SGCZ: variants seen among roughly 807,000 people sequenced by gnomAD.
SGCZ encodes the protein sarcoglycan zeta.
SGCZ carries 40 observed loss-of-function variants against 41.3 expected under a neutral mutation model. That is an observed-to-expected ratio of 0.97 (90% CI 0.75 to 1.26). The LOEUF is 1.26. Among genes scored for constraint, SGCZ ranks in the 50% most tolerant of loss-of-function variants. The probability of loss-of-function intolerance (pLI) is 0.00; values close to 1 mark genes in which losing one functional copy is unlikely to be tolerated. For synonymous variants in SGCZ, 206 were observed against 137.5 expected, an observed-to-expected ratio of 1.50 and a Z score of -3.49; for missense variants, 552 against 369.8, an observed-to-expected ratio of 1.49 and a Z score of -4.04.
chr8:14,303,683 T>A (rs540421119), intron 3 of SGCZ, among the ~76,000 whole-genome samples: 11 of 152,250 alleles, frequency 7.2e-5, no homozygotes, highest in African/African-American at 2.4e-4. Flanking sequence ...TGGTTTTTAG[T>A]GAAAATATTA....
At position 14,309,193 on chromosome 8, in the gene SGCZ, C is replaced by A. The variant is rs550695132; in HGVS notation, c.336+14910G>T. ...AAAAAAGCAAAACTTGGCAAGCAAACCTGCTGCGGCTGATCTCTAAGTTTG... is the reference window on the plus strand; with the variant it reads ...AAAAAAGCAAAACTTGGCAAGCAAAACTGCTGCGGCTGATCTCTAAGTTTG... On this transcript the variant is annotated intron_variant, in intron 3 of 7. Transcript: ENST00000382080. 940 of 1,484,412 alleles carry A rather than the reference C, an allele frequency of 6.3e-4. 6 individuals carry two copies. The South Asian group carries it at 7.4e-3, about 12-fold the overall frequency. The allele number at this position is 1,484,412 out of a possible 1,614,324, so 92.0% of individuals were successfully genotyped here.
chr8:14,223,774 G>C (rs1806282742), intron 4 of SGCZ, among the ~76,000 whole-genome samples: 1 of 152,010 alleles, frequency 6.6e-6, no homozygotes, highest in Admixed American at 6.6e-5. Context: ...ATATTACTTT[G>C]GATAATCATT....
intron 3 of SGCZ, among the ~76,000 whole-genome samples, chr8:14,258,689 T>C (rs751045428): frequency 2.0e-5 from 3 of 152,192 alleles, no homozygotes; most frequent in Non-Finnish European, 2.9e-5. Context: ...ATTAATGTAA[T>C]GGTCTTGTGA....
chr8:14,644,006 C>T (rs1450970761), intron 1 of SGCZ, among the ~76,000 whole-genome samples: 1 of 143,434 alleles, frequency 7.0e-6, no homozygotes. Flanking sequence ...ATATTTTGTA[C>T]CTGGTAGTAT....
chr8:14,142,372 G>A (rs916346694), intron 5 of SGCZ, among the ~76,000 whole-genome samples: 17 of 151,792 alleles, frequency 1.1e-4, no homozygotes, highest in African/African-American at 4.1e-4. Context: ...TTTTTTCTAA[G>A]AACAAAATTC....
At chr8:14,459,748 G>T (rs1903598) in intron 2 of SGCZ, among the ~76,000 whole-genome samples, 1,870 of 152,074 alleles carry the variant, frequency 0.012, 78 homozygotes, top group East Asian at 0.064. Flanking sequence ...ACTGAAAAGG[G>T]AACACTACTA....
chr8:14,089,671 T>G lies in SGCZ; in HGVS notation c.*772A>C, dbSNP rs1269482011. On this transcript the variant is annotated 3_prime_UTR_variant, in exon 8 of 8. Coordinates refer to ENST00000382080, the MANE Select transcript of SGCZ (RefSeq NM_139167.4). The stretch of plus-strand genomic sequence containing the variant: ...GAGTAGATGTTTTGTTAAAAGCAAA[T>G]ACGTCACATGCAGTAGCCATGTAAA... 6.6e-6 allele frequency among the ~76,000 whole-genome samples: 1 copy of G among 152,010 alleles called. No homozygotes were observed. The highest frequency in any genetic ancestry group is 1.5e-5 in the Non-Finnish European group (1 of 67,984).
chr8:14,834,939 C>T (rs554668719), intron 1 of SGCZ, among the ~76,000 whole-genome samples: 3 of 152,144 alleles, frequency 2.0e-5, no homozygotes, highest in Admixed American at 6.6e-5. Flanking sequence ...TTCAGAACTA[C>T]GATAATGCAA....
intron 1 of SGCZ, among the ~76,000 whole-genome samples, chr8:14,997,104 G>C (rs1030852837): frequency 1.3e-5 from 2 of 152,018 alleles, no homozygotes; most frequent in East Asian, 1.9e-4. Context: ...TGATATTTCT[G>C]GCTAAGCATT....
At chr8:14,873,301 A>C (rs1027299883) in intron 1 of SGCZ, among the ~76,000 whole-genome samples, 4 of 152,156 alleles carry the variant, frequency 2.6e-5, no homozygotes, top group African/African-American at 9.6e-5. Context: ...TATTCATTGC[A>C]TGTGTTGGTA....
At chr8:14,642,882 C>G (rs1010163135) in intron 1 of SGCZ, among the ~76,000 whole-genome samples, 3 of 151,454 alleles carry the variant, frequency 2.0e-5, no homozygotes, top group East Asian at 3.9e-4. Flanking sequence ...GTTGCTTGAA[C>G]TTTATAATAT....
chr8:14,508,938 A>T (rs952552397), intron 2 of SGCZ, among the ~76,000 whole-genome samples: 58 of 152,154 alleles, frequency 3.8e-4, no homozygotes, highest in African/African-American at 1.4e-3. Flanking sequence ...TATTTTACAA[A>T]CATCAAAATA....
intron 1 of SGCZ, among the ~76,000 whole-genome samples, chr8:14,719,330 T>C (rs1251380328): frequency 2.0e-5 from 3 of 150,046 alleles, no homozygotes; most frequent in African/African-American, 7.4e-5. Flanking sequence ...GCATGTGTCT[T>C]TATAGCAGCA....
chr8:15,176,363 A>G lies in SGCZ; in HGVS notation c.39+61222T>C, dbSNP rs148232737. The stretch of plus-strand genomic sequence containing the variant: ...TGTTATGTTTTCAATTTTAGAAACA[A>G]TTTCTCATTCAATAGAAGATAGTGC... On this transcript the variant is annotated intron_variant, in intron 1 of 7. Transcript: ENST00000382080. 4.4e-3 allele frequency among the ~76,000 whole-genome samples: 665 copies of G among 152,192 alleles called. 3 individuals carry two copies. The highest frequency in any genetic ancestry group is 7.6e-3 in the Non-Finnish European group (516 of 68,010).
At chr8:14,962,701 G>A (rs1447759690) in intron 1 of SGCZ, among the ~76,000 whole-genome samples, 3 of 152,198 alleles carry the variant, frequency 2.0e-5, no homozygotes, top group Non-Finnish European at 4.4e-5. Context: ...GGATGTGAAA[G>A]ATTGGCACAG....
intron 1 of SGCZ, among the ~76,000 whole-genome samples, chr8:14,701,353 C>T (rs1378940923): frequency 4.6e-5 from 7 of 151,914 alleles, no homozygotes; most frequent in African/African-American, 1.4e-4. Flanking sequence ...ACCTCTCTCT[C>T]CCCTGAGTGG....
At position 15,096,100 on chromosome 8, in the gene SGCZ, T is replaced by C. The variant is rs188998336; in HGVS notation, c.39+141485A>G. Among the ~76,000 whole-genome samples, 461 of 152,224 alleles carry C rather than the reference T, an allele frequency of 3.0e-3. 4 individuals carry two copies. The highest frequency in any genetic ancestry group is 0.01 in the African/African-American group (428 of 41,518). On this transcript the variant is annotated intron_variant, in intron 1 of 7. Coordinates refer to ENST00000382080, the MANE Select transcript of SGCZ (RefSeq NM_139167.4). The stretch of plus-strand genomic sequence containing the variant: ...ACTTATTTATTTATTTTTTTTGAGA[T>C]GGAGTCTTGCCCTGTACCGCAGGCT...
At chr8:14,094,666 G>A (rs1801788524) in intron 7 of SGCZ, among the ~76,000 whole-genome samples, 1 of 152,090 alleles carries the variant, frequency 6.6e-6, no homozygotes, top group Non-Finnish European at 1.5e-5. Context: ...CGGGATTGAT[G>A]GGTCAAATGG....
Position 14,580,857 on chromosome 8 carries a change from C to G in SGCZ, c.40-25931G>C, listed in dbSNP as rs572941718. Among the ~76,000 whole-genome samples, 462 of 152,204 alleles carry G rather than the reference C, an allele frequency of 3.0e-3. 3 individuals carry two copies. The highest frequency in any genetic ancestry group is 5.1e-3 in the Non-Finnish European group (348 of 68,006). On this transcript the variant is annotated intron_variant, in intron 1 of 7. Transcript: ENST00000382080. ...GAGGGAGCCTTCTCCCAGGCTCCAG[C>G]GATAGAAACATCATGGTTGATTAGG...
Sources: allele counts gnomAD v4.1 joint callset (sites outside exome capture counted in the v4.1 genomes callset), GRCh38; gene constraint gnomAD v4.1.1; transcripts MANE v1.5; gene names NCBI Gene and HGNC (gene_info 2026-07-23, HGNC 2026-07-21).